The following GLP2R variants were observed in gnomAD, a reference collection of about 807,000 sequenced individuals.
GLP2R encodes the protein glucagon-like peptide 2 receptor.
In GLP2R, 59 loss-of-function variants were observed where a neutral mutation model predicts 68.2. That is an observed-to-expected ratio of 0.87 (90% confidence interval 0.70 to 1.07). The LOEUF (loss-of-function observed/expected upper bound fraction) is 1.07, where lower values mean the gene tolerates loss of function less well. Among genes scored for constraint, GLP2R ranks in the 50% least tolerant of loss-of-function variants. The pLI is 0.00. For synonymous variants in GLP2R, 270 were observed against 265.4 expected (o/e 1.02, Z -0.17); for missense variants, 548 against 677.4 (o/e 0.81, Z 2.12).
At chr17:9,873,522 C>T (rs79871388) in intron 10 of GLP2R, among the ~76,000 whole-genome samples, 29,556 of 143,380 alleles carry the variant, frequency 0.21, 3,975 homozygotes, top group Non-Finnish European at 0.3. Context: ...TTTGCTTATC[C>T]GTTGTGGTGG....
intron 5 of GLP2R, 145 bp downstream of exon 5, chr17:9,854,746 C>T: frequency 1.6e-6 from 1 of 638,300 alleles, no homozygotes; most frequent in Non-Finnish European, 2.8e-6. Context: ...TAGAACCAAC[C>T]CTATGTTTGG....
intron 9 of GLP2R, 151 bp downstream of exon 9, chr17:9,862,241 A>C: frequency 1.5e-6 from 1 of 662,428 alleles, no homozygotes; most frequent in East Asian, 2.5e-5. Flanking sequence ...AGAAGTTAGA[A>C]GTTTCTTGCT....
chr17:9,840,656 G>T (rs1040269492), intron 3 of GLP2R, among the ~76,000 whole-genome samples: 1 of 152,234 alleles, frequency 6.6e-6, no homozygotes, highest in African/African-American at 2.4e-5. Context: ...ACAAGATGGG[G>T]AAGGGAAGGG....
intron 4 of GLP2R, among the ~76,000 whole-genome samples, chr17:9,846,118 A>G (rs56412115): frequency 0.26 from 39,712 of 152,138 alleles, 6,896 homozygotes; most frequent in Non-Finnish European, 0.39. Flanking sequence ...TACTGTTTTC[A>G]TCACGGTTTC....
intron 4 of GLP2R, among the ~76,000 whole-genome samples, chr17:9,843,725 C>G (rs2066809746): frequency 6.6e-6 from 1 of 152,238 alleles, no homozygotes; most frequent in East Asian, 1.9e-4. Flanking sequence ...AAGTGCAATG[C>G]AAGAGGCTGC....
chr17:9,852,048 G>GTTTTTTT (rs1005336123), intron 4 of GLP2R, among the ~76,000 whole-genome samples: 1 of 109,458 alleles, frequency 9.1e-6, no homozygotes, highest in African/African-American at 4.7e-5. Context: ...TATAGCATTT[G>GTTTTTTT]TTTTTTTTTT....
chr17:9,868,668 G>T lies in GLP2R; in HGVS notation c.1057-2079G>T, dbSNP rs531243077. ...GAGGCTTCATGGTACCCCCAGCTAG[G>T]GTTTCATCCTGTGGCAGTGAGGAAG... On this transcript the variant is annotated intron_variant, in intron 9 of 12. Transcript: ENST00000262441. 5.9e-5 allele frequency among the ~76,000 whole-genome samples: 9 copies of T among 152,218 alleles called. No homozygotes were observed. The East Asian group carries it at 1.7e-3, about 29-fold the overall frequency.
intron 2 of GLP2R, among the ~76,000 whole-genome samples, chr17:9,835,248 C>A (rs1030050744): frequency 6.6e-6 from 1 of 151,946 alleles, no homozygotes; most frequent in Non-Finnish European, 1.5e-5. Flanking sequence ...AGGATGGTCT[C>A]GATCCCCTGA....
intron 11 of GLP2R, among the ~76,000 whole-genome samples, chr17:9,883,442 T>C (rs1025508625): frequency 2.0e-5 from 3 of 152,152 alleles, no homozygotes; most frequent in Non-Finnish European, 4.4e-5. Flanking sequence ...AATAAATATT[T>C]GGATAAATAA....
At chr17:9,856,736 A>G (rs576308789) in intron 5 of GLP2R, among the ~76,000 whole-genome samples, 1 of 152,298 alleles carries the variant, frequency 6.6e-6, no homozygotes, top group East Asian at 1.9e-4. Context: ...CAACTCTGCG[A>G]CTTACTGCTC....
rs553757086 is a variant in GLP2R, at chr17:9,873,837, C to T, written c.1145+3002C>T. Among the ~76,000 whole-genome samples the T allele has an allele frequency of 5.9e-5, 9 of 151,946 alleles. 1 individual carries two copies. Among genetic ancestry groups the T allele is most frequent in the Admixed American group, 4.6e-4 (7 of 15,234 alleles). On this transcript the variant is annotated intron_variant, in intron 10 of 12. Transcript: ENST00000262441. Reference sequence around the variant, plus strand: ...AACTAGTAAACAGAAAGGTGGCCAACGAAAATGGCAGGGAAACCACAGAGG... The same window carrying T: ...AACTAGTAAACAGAAAGGTGGCCAATGAAAATGGCAGGGAAACCACAGAGG...
chr17:9,889,721 C>T lies in GLP2R; in HGVS notation c.*16C>T, dbSNP rs920927533. ...TGAGATCTAGGGTGGAGTTCCACCA[C>T]CCTGGCTCTGCTCCCAGGGACTCTT... On this transcript the variant is annotated 3_prime_UTR_variant, in exon 13 of 13. Coordinates refer to ENST00000262441, the MANE Select transcript of GLP2R (RefSeq NM_004246.3). 5 of 1,479,602 alleles carry T rather than the reference C, an allele frequency of 3.4e-6. No homozygotes were observed. The African/African-American group carries it at 5.6e-5, about 17-fold the overall frequency. 91.7% of individuals were successfully genotyped at this position (1,479,602 alleles called of 1,614,324 possible).
At chr17:9,860,906 G>T (rs1353755806) in intron 7 of GLP2R, among the ~76,000 whole-genome samples, 1 of 152,142 alleles carries the variant, frequency 6.6e-6, no homozygotes, top group Non-Finnish European at 1.5e-5. Context: ...ATTCTCAGCT[G>T]CTTTGTGACA....
chr17:9,837,816 A>G (rs946478565), intron 3 of GLP2R, among the ~76,000 whole-genome samples: 2 of 152,212 alleles, frequency 1.3e-5, no homozygotes, highest in Non-Finnish European at 2.9e-5. Flanking sequence ...TGTTCTCAGG[A>G]AAGATAAGTG....
At chr17:9,877,236 A>T (rs916652312) in intron 10 of GLP2R, among the ~76,000 whole-genome samples, 3 of 152,256 alleles carry the variant, frequency 2.0e-5, no homozygotes, top group Non-Finnish European at 4.4e-5. Context: ...TTAAATAAAC[A>T]AAAGGTTATG....
chr17:9,870,562 A>C (rs1292136149), intron 9 of GLP2R, among the ~76,000 whole-genome samples, 185 bp from the exon 10 acceptor site: 1 of 152,068 alleles, frequency 6.6e-6, no homozygotes, highest in Non-Finnish European at 1.5e-5. Flanking sequence ...GACAGTGGAG[A>C]TTCAGATGGC....
chr17:9,839,542 G>A (rs2066765212), intron 3 of GLP2R, among the ~76,000 whole-genome samples: 1 of 151,952 alleles, frequency 6.6e-6, no homozygotes, highest in Non-Finnish European at 1.5e-5. Flanking sequence ...CACTGCTGTG[G>A]GCTCACCAGC....
intron 4 of GLP2R, among the ~76,000 whole-genome samples, chr17:9,853,997 C>A (rs910480890): frequency 3.3e-5 from 5 of 152,190 alleles, no homozygotes; most frequent in Admixed American, 6.5e-5. Flanking sequence ...CACAATCAGG[C>A]GACCTGGGAC....
In GLP2R at chr17:9,889,992, G is replaced by T. The variant is rs1212092789; in HGVS notation, c.*287G>T. 3 of 520,528 alleles carry T rather than the reference G, an allele frequency of 5.8e-6. No homozygotes were observed. Among genetic ancestry groups the T allele is most frequent in the Non-Finnish European group, 1.1e-5 (3 of 269,324 alleles). 32.2% of individuals were successfully genotyped at this position (520,528 alleles called of 1,614,324 possible). A position where few individuals can be genotyped will look rare whatever the true frequency, so the allele number is the denominator to read the frequency against. ...CTGGCTCTAAATTCAAGCCAATGAAGTCCCACCATGAAGAGAGGTCTCCTG... is the reference window on the plus strand; with the variant it reads ...CTGGCTCTAAATTCAAGCCAATGAATTCCCACCATGAAGAGAGGTCTCCTG... On this transcript the variant is annotated 3_prime_UTR_variant, in exon 13 of 13. Coordinates refer to ENST00000262441, the MANE Select transcript of GLP2R (RefSeq NM_004246.3).
Sources: allele counts gnomAD v4.1 joint callset (sites outside exome capture counted in the v4.1 genomes callset), GRCh38; gene constraint gnomAD v4.1.1; transcripts MANE v1.5; gene names NCBI Gene and HGNC (gene_info 2026-07-23, HGNC 2026-07-21).